The following COL11A1 variants were observed in gnomAD, a reference collection of about 807,000 sequenced individuals.
COL11A1 encodes the protein collagen type XI alpha 1 chain.
Under a neutral mutation model 265.2 loss-of-function variants are expected in COL11A1, and 74 were observed. That is an observed-to-expected ratio of 0.28 (90% CI 0.23 to 0.34). The LOEUF is 0.34. Ranked by LOEUF, COL11A1 falls within the 10% of genes least tolerant of loss-of-function variation. The pLI is 1.00. For missense variants in COL11A1, 2,165 were observed against 2,263.6 expected, an observed-to-expected ratio of 0.96 and a Z score of 0.88; for synonymous variants, 816 against 727.6, an observed-to-expected ratio of 1.12 and a Z score of -1.96.
At chr1:103,097,734 G>A (rs1222040533) in intron 1 of COL11A1, among the ~76,000 whole-genome samples, 1 of 151,978 alleles carries the variant, frequency 6.6e-6, no homozygotes, top group Non-Finnish European at 1.5e-5. Flanking sequence ...TTCAGGAAGA[G>A]CATTTAATAG....
At chr1:102,974,762 TA>T (rs1662302924) in intron 36 of COL11A1, 67 bp downstream of exon 36, 2 of 1,165,828 alleles carry the variant, frequency 1.7e-6, no homozygotes, top group Non-Finnish European at 2.6e-6. Context: ...TATATAAATG[TA>T]AGCTGTGACT....
At chr1:102,971,308 G>A (rs1054592700) in intron 36 of COL11A1, among the ~76,000 whole-genome samples, 1 of 152,176 alleles carries the variant, frequency 6.6e-6, no homozygotes, top group Non-Finnish European at 1.5e-5. Flanking sequence ...GAACAACTCT[G>A]TGAGGGTCCT....
intron 1 of COL11A1, among the ~76,000 whole-genome samples, chr1:103,092,368 C>T (rs1673394042): frequency 6.6e-6 from 1 of 151,954 alleles, no homozygotes; most frequent in African/African-American, 2.4e-5. Flanking sequence ...GTCATGAATG[C>T]ACAAAATATA....
intron 62 of COL11A1, among the ~76,000 whole-genome samples, chr1:102,887,928 C>T (rs1445900647): frequency 6.6e-6 from 1 of 152,096 alleles, no homozygotes; most frequent in Non-Finnish European, 1.5e-5. Context: ...TCAGAAGGAA[C>T]CAACACTGCT....
chr1:103,082,371 A>G (rs964347190), intron 2 of COL11A1, among the ~76,000 whole-genome samples: 7 of 152,078 alleles, frequency 4.6e-5, no homozygotes, highest in Non-Finnish European at 1.0e-4. Flanking sequence ...AAGTATGTTT[A>G]CATTCAAATG....
intron 42 of COL11A1, among the ~76,000 whole-genome samples, chr1:102,942,920 G>A (rs1658880957): frequency 6.6e-6 from 1 of 151,990 alleles, no homozygotes; most frequent in African/African-American, 2.4e-5. Flanking sequence ...TCTTTTCAGA[G>A]ATGGCCATCT....
intron 14 of COL11A1, among the ~76,000 whole-genome samples, chr1:103,008,875 C>A (rs2101871738): frequency 6.6e-6 from 1 of 152,258 alleles, no homozygotes; most frequent in African/African-American, 2.4e-5. Flanking sequence ...TAGAGTAACC[C>A]ATTATTACCA....
At chr1:102,996,531 G>T (rs944369171) in intron 26 of COL11A1, among the ~76,000 whole-genome samples, 1 of 151,658 alleles carries the variant, frequency 6.6e-6, no homozygotes, top group African/African-American at 2.4e-5. Flanking sequence ...TAGATAAAAT[G>T]TTCTATCAAT....
intron 4 of COL11A1, among the ~76,000 whole-genome samples, chr1:103,050,405 A>C (rs1182429767): frequency 6.6e-6 from 1 of 152,026 alleles, no homozygotes; most frequent in Non-Finnish European, 1.5e-5. Flanking sequence ...GCTACTGAGG[A>C]TTCTGCATTC....
At chr1:102,977,297 T>C (rs188380850) in intron 35 of COL11A1, among the ~76,000 whole-genome samples, 5 of 152,096 alleles carry the variant, frequency 3.3e-5, no homozygotes, top group Admixed American at 1.3e-4. Context: ...ACAAGGAACA[T>C]AGGAAATATG....
At chr1:102,952,166 T>G (rs1273917762) in intron 41 of COL11A1, among the ~76,000 whole-genome samples, 1 of 152,150 alleles carries the variant, frequency 6.6e-6, no homozygotes, top group Non-Finnish European at 1.5e-5. Context: ...TGGTGCGATC[T>G]TGGCTCACTG....
At chr1:103,055,373 C>A (rs1670164530) in intron 4 of COL11A1, among the ~76,000 whole-genome samples, 1 of 152,182 alleles carries the variant, frequency 6.6e-6, no homozygotes, top group Admixed American at 6.5e-5. Flanking sequence ...AGACCTTCTA[C>A]ACATTTACAA....
intron 54 of COL11A1, among the ~76,000 whole-genome samples, chr1:102,904,569 T>A (rs944876346): frequency 1.1e-4 from 17 of 151,828 alleles, no homozygotes; most frequent in African/African-American, 4.1e-4. Context: ...GTGAAGGATA[T>A]GAACAGACAG....
chr1:103,045,902 C>G (rs543362969), intron 4 of COL11A1, among the ~76,000 whole-genome samples: 1 of 151,524 alleles, frequency 6.6e-6, no homozygotes, highest in Admixed American at 6.6e-5. Context: ...TTGCTGAGAA[C>G]GATGGTTTCC....
intron 41 of COL11A1, among the ~76,000 whole-genome samples, chr1:102,955,882 C>T (rs536911487): frequency 1.7e-4 from 26 of 152,254 alleles, no homozygotes; most frequent in African/African-American, 6.0e-4. Context: ...TGCATCAAGA[C>T]ATCCATTTAG....
At chr1:102,954,592 C>T (rs1364085156) in intron 41 of COL11A1, among the ~76,000 whole-genome samples, 1 of 152,188 alleles carries the variant, frequency 6.6e-6, no homozygotes, top group African/African-American at 2.4e-5. Flanking sequence ...CGCCTGTAAT[C>T]CCAACACTTT....
chr1:102,910,414 T>C (rs1654512636), intron 54 of COL11A1, among the ~76,000 whole-genome samples: 1 of 152,114 alleles, frequency 6.6e-6, no homozygotes, highest in Non-Finnish European at 1.5e-5. Context: ...GAAACTAGAC[T>C]AGATAGCACT....
intron 41 of COL11A1, among the ~76,000 whole-genome samples, chr1:102,956,584 G>A (rs1660390295): frequency 6.6e-6 from 1 of 151,990 alleles, no homozygotes; most frequent in Non-Finnish European, 1.5e-5. Flanking sequence ...GCCAGTAGTA[G>A]TAGTAAACTA....
intron 18 of COL11A1, 110 bp from the exon 19 acceptor site, chr1:103,004,771 A>G: frequency 1.1e-6 from 1 of 941,812 alleles, no homozygotes; most frequent in South Asian, 1.6e-5. Context: ...CAGGGAAAAT[A>G]TATGCTTTAT....
Sources: gnomAD v4.1 joint callset for allele counts (sites outside exome capture counted in the v4.1 genomes callset) on GRCh38, gnomAD v4.1.1 for gene constraint, MANE v1.5 for transcripts, NCBI Gene and HGNC (gene_info 2026-07-23, HGNC 2026-07-21) for gene names.